Variants in CREBL2 observed in about 807,000 individuals in gnomAD.
The protein encoded by CREBL2 is cAMP responsive element binding protein like 2, also known as cAMP-responsive element-binding protein-like 2.
CREBL2 carries 4 observed loss-of-function variants against 19.5 expected under a neutral mutation model. The observed-to-expected ratio is 0.20, with a 90% CI of 0.10 to 0.47. The LOEUF is 0.47. Ranked by LOEUF, CREBL2 falls within the 20% of genes least tolerant of loss-of-function variation. The pLI is 0.98. For missense variants in CREBL2, 85 were observed against 145.1 expected (o/e 0.59, Z 2.13); for synonymous variants, 42 against 46.6 (o/e 0.90, Z 0.40).
At chr12:12,641,226 T>TTTATTATTA (rs1193355722) in intron 3 of CREBL2, among the ~76,000 whole-genome samples, 9 of 120,960 alleles carry the variant, frequency 7.4e-5, no homozygotes, top group East Asian at 2.2e-4. Flanking sequence ...GTCACAAACC[T>TTTATTATTA]TTATTATTAT....
chr12:12,627,870 G>T (rs1017046959), intron 1 of CREBL2, among the ~76,000 whole-genome samples: 2 of 152,132 alleles, frequency 1.3e-5, no homozygotes, highest in African/African-American at 4.8e-5. Flanking sequence ...CTCCACATCT[G>T]CACCAGTACT....
chr12:12,627,693 C>T (rs567579004), intron 1 of CREBL2, among the ~76,000 whole-genome samples: 1 of 152,274 alleles, frequency 6.6e-6, no homozygotes, highest in Non-Finnish European at 1.5e-5. Flanking sequence ...CATTGATATA[C>T]AAGTTCTAAT....
In CREBL2 at chr12:12,612,155, G is replaced by T; in HGVS notation, c.-18G>T. ...GCTCCGGGAGGGAGTGCCTGGCCAG[G>T]CCGGCCTGTCTGCCGCGATGGATGA... On this transcript the variant is annotated 5_prime_UTR_variant, in exon 1 of 4. Coordinates refer to ENST00000228865, the MANE Select transcript of CREBL2 (RefSeq NM_001310.4). The T allele has an allele frequency of 2.5e-6, 4 of 1,611,912 alleles. 1 individual carries two copies. The highest frequency in any genetic ancestry group is 1.1e-5 in the South Asian group (1 of 91,086).
At chr12:12,636,443 TAG>T (rs1450565109) in intron 2 of CREBL2, among the ~76,000 whole-genome samples, 5 of 152,240 alleles carry the variant, frequency 3.3e-5, no homozygotes, top group Non-Finnish European at 7.4e-5. Flanking sequence ...TTTTTTGAGA[TAG>T]AGTCTTGCTC....
At position 12,622,333 on chromosome 12, in the gene CREBL2, G is replaced by T. The variant is rs1945365787; in HGVS notation, c.15+10146G>T. ...TGCGGCGTGCATAAAATTCTGAAAA[G>T]ATAAAGAGTGAAGAGAATAGAGAGC... On this transcript the variant is annotated intron_variant, in intron 1 of 3. Transcript: ENST00000228865. Among the ~76,000 whole-genome samples the T allele has an allele frequency of 2.0e-5, 3 of 152,300 alleles. No homozygotes were observed. The South Asian group carries it at 6.2e-4, about 32-fold the overall frequency.
chr12:12,614,173 C>T (rs943012205), intron 1 of CREBL2, among the ~76,000 whole-genome samples: 4 of 151,314 alleles, frequency 2.6e-5, no homozygotes, highest in Admixed American at 6.6e-5. Flanking sequence ...TTTTATTTTT[C>T]GTAGAGACAG....
At position 12,637,773 on chromosome 12, in the gene CREBL2, G is replaced by T. The variant is rs1406826829; in HGVS notation, c.358+59G>T. 4.0e-6 allele frequency: 6 copies of T among 1,509,086 alleles called. No homozygotes were observed. In the African/African-American group the frequency reaches 8.5e-5, roughly 21 times the overall value. The allele number at this position is 1,509,086 out of a possible 1,614,324, so 93.5% of individuals were successfully genotyped here. ...GAGAGTGTCTCGGTTGGGCGCAGTG[G>T]CTCATGACTGTAATCCTAGCACTTT... On this transcript the variant is annotated intron_variant, in intron 3 of 3. Coordinates refer to ENST00000228865, the MANE Select transcript of CREBL2 (RefSeq NM_001310.4).
intron 1 of CREBL2, among the ~76,000 whole-genome samples, chr12:12,635,568 T>C (rs997786003): frequency 6.6e-6 from 1 of 152,206 alleles, no homozygotes; most frequent in African/African-American, 2.4e-5. Flanking sequence ...ATGTATATTA[T>C]TTCTTCTTTC....
At chr12:12,637,784 T>C (rs907650037) in intron 3 of CREBL2, 70 bp downstream of exon 3, 20 of 1,467,686 alleles carry the variant, frequency 1.4e-5, no homozygotes, top group Admixed American at 4.1e-5. Flanking sequence ...CTCATGACTG[T>C]AATCCTAGCA....
At chr12:12,614,736 T>C in intron 1 of CREBL2, 1 of 325,014 alleles carries the variant, frequency 3.1e-6, no homozygotes, top group South Asian at 2.7e-5. Flanking sequence ...ATATGCTCAA[T>C]ATACACATTA....
intron 1 of CREBL2, among the ~76,000 whole-genome samples, chr12:12,626,888 GAAA>G (rs978521882): frequency 2.1e-5 from 3 of 143,952 alleles, no homozygotes; most frequent in African/African-American, 7.5e-5. Flanking sequence ...AAAAAGAAAA[GAAA>G]AGAAAGAAAG....
At position 12,644,911 on chromosome 12, in the gene CREBL2, T is replaced by G. The variant is rs1420601612; in HGVS notation, c.*2913T>G. On this transcript the variant is annotated 3_prime_UTR_variant, in exon 4 of 4. Coordinates refer to ENST00000228865, the MANE Select transcript of CREBL2 (RefSeq NM_001310.4). ...AAGAAATCAGTTGCATATTATCCAT[T>G]ACATATTTAGTTTTAAAAGGAGGAG... is the stretch of plus-strand genomic sequence containing the variant. 3.3e-5 allele frequency: 5 copies of G among 152,246 alleles called. No homozygotes were observed. Among genetic ancestry groups the G allele is most frequent in the African/African-American group, 1.2e-4 (5 of 41,468 alleles). 9.4% of individuals were successfully genotyped at this position (152,246 alleles called of 1,614,324 possible).
Position 12,632,068 on chromosome 12 carries a change from C to CTTTTTTTTTTTT in CREBL2, c.16-3693_16-3682dup, listed in dbSNP as rs869253910. 8.1e-4 allele frequency among the ~76,000 whole-genome samples: 65 copies of CTTTTTTTTTTTT among 80,626 alleles called. 8 individuals carry two copies. The highest frequency in any genetic ancestry group is 3.3e-3 in the African/African-American group (64 of 19,408). 52.9% of individuals were successfully genotyped at this position (80,626 alleles called of 152,430 possible). A position where few individuals can be genotyped will look rare whatever the true frequency, so the allele number is the denominator to read the frequency against. On this transcript the variant is annotated intron_variant, in intron 1 of 3. Coordinates refer to ENST00000228865, the MANE Select transcript of CREBL2 (RefSeq NM_001310.4). ...CCTTGGATTCATATACTATGCCTTT[C>CTTTTTTTTTTTT]TTTTTTTTTTTTTTTTTTTTTTTTT... is the stretch of plus-strand genomic sequence containing the variant.
At chr12:12,614,489 A>G (rs1276645454) in intron 1 of CREBL2, 1 of 146,882 alleles carries the variant, frequency 6.8e-6, no homozygotes, top group Non-Finnish European at 1.5e-5. Context: ...TTTTTTTGAA[A>G]TAGGGTCTTG....
chr12:12,615,238 G>C (rs1945301122), intron 1 of CREBL2, among the ~76,000 whole-genome samples: 1 of 152,152 alleles, frequency 6.6e-6, no homozygotes. Context: ...TGGCCAGGCT[G>C]ACAGGGTTTT....
intron 1 of CREBL2, among the ~76,000 whole-genome samples, chr12:12,630,997 T>A (rs1945438926): frequency 6.6e-6 from 1 of 152,230 alleles, no homozygotes; most frequent in African/African-American, 2.4e-5. Context: ...ATGACACAGT[T>A]CCAGGTGCTT....
intron 1 of CREBL2, among the ~76,000 whole-genome samples, chr12:12,631,346 CAT>C (rs1945441032): frequency 6.6e-6 from 1 of 152,046 alleles, no homozygotes; most frequent in African/African-American, 2.4e-5. Flanking sequence ...CAGAAAAAGA[CAT>C]AAAATGGATA....
At chr12:12,618,941 A>T (rs968063440) in intron 1 of CREBL2, among the ~76,000 whole-genome samples, 6 of 152,196 alleles carry the variant, frequency 3.9e-5, no homozygotes, top group African/African-American at 1.4e-4. Flanking sequence ...CGGCAGGTTG[A>T]GGCAGGAGAA....
chr12:12,626,889 AAAAGAAAG>A (rs533020124), intron 1 of CREBL2, among the ~76,000 whole-genome samples: 1 of 151,080 alleles, frequency 6.6e-6, no homozygotes, highest in Non-Finnish European at 1.5e-5. Context: ...AAAAGAAAAG[AAAAGAAAG>A]AAAGAAAAAT....
Sources: gnomAD v4.1 joint callset for allele counts (sites outside exome capture counted in the v4.1 genomes callset) on GRCh38, gnomAD v4.1.1 for gene constraint, MANE v1.5 for transcripts, NCBI Gene and HGNC (gene_info 2026-07-23, HGNC 2026-07-21) for gene names.